Variants in ADK observed in about 807,000 individuals in gnomAD.
ADK encodes the protein adenosine kinase.
Under a neutral mutation model 44.7 loss-of-function variants are expected in ADK, and 24 were observed. The ratio of observed to expected loss-of-function variants is 0.54; its 90% CI spans 0.39 to 0.76. The LOEUF (loss-of-function observed/expected upper bound fraction) is 0.76. Ranked by LOEUF, ADK falls within the 30% of genes least tolerant of loss-of-function variation. ADK has a pLI of 0.00. For missense variants in ADK, 321 were observed against 425.1 expected (o/e 0.76, Z 2.15); for synonymous variants, 128 against 142.6 (o/e 0.90, Z 0.73).
chr10:74,388,715 C>G (rs1843235557), intron 4 of ADK, among the ~76,000 whole-genome samples: 1 of 151,918 alleles, frequency 6.6e-6, no homozygotes, highest in Admixed American at 6.6e-5. Flanking sequence ...AAGTCTGAGA[C>G]CTTGATTGAC....
intron 4 of ADK, among the ~76,000 whole-genome samples, chr10:74,355,950 C>G (rs1842121966): frequency 6.9e-6 from 1 of 145,176 alleles, no homozygotes; most frequent in Admixed American, 6.9e-5. Flanking sequence ...AAGGATACCT[C>G]TGTGTGTGTG....
intron 1 of ADK, among the ~76,000 whole-genome samples, chr10:74,156,285 C>CT (rs145121910): frequency 0.013 from 2,033 of 152,096 alleles, 43 homozygotes; most frequent in African/African-American, 0.046. Context: ...TGATGTGCTG[C>CT]TTTTTTTTAC....
intron 3 of ADK, among the ~76,000 whole-genome samples, chr10:74,313,871 T>G (rs1163534636): frequency 6.6e-6 from 1 of 151,998 alleles, no homozygotes; most frequent in African/African-American, 2.4e-5. Flanking sequence ...TTTGGTCTTT[T>G]TAAAAATTTC....
intron 9 of ADK, among the ~76,000 whole-genome samples, chr10:74,657,228 T>C (rs1854521408): frequency 1.3e-5 from 2 of 152,184 alleles, no homozygotes; most frequent in Non-Finnish European, 2.9e-5. Context: ...TCTAGATTCA[T>C]CAACTCATAA....
At chr10:74,214,434 G>T (rs1200126781) in intron 2 of ADK, among the ~76,000 whole-genome samples, 1 of 152,134 alleles carries the variant, frequency 6.6e-6, no homozygotes, top group African/African-American at 2.4e-5. Context: ...GGCAATATTT[G>T]TAGATTTATA....
At chr10:74,236,946 G>A (rs1441729025) in intron 3 of ADK, among the ~76,000 whole-genome samples, 2 of 152,166 alleles carry the variant, frequency 1.3e-5, no homozygotes, top group African/African-American at 4.8e-5. Context: ...CCTTTAGCAA[G>A]TTACAATCAT....
chr10:74,165,871 CT>C (rs1304436793), intron 1 of ADK, among the ~76,000 whole-genome samples: 2 of 152,144 alleles, frequency 1.3e-5, no homozygotes, highest in Admixed American at 6.5e-5. Flanking sequence ...TAATTATTCT[CT>C]TGTGGGATCT....
At chr10:74,397,239 A>T (rs1157203499) in intron 5 of ADK, among the ~76,000 whole-genome samples, 1 of 151,620 alleles carries the variant, frequency 6.6e-6, no homozygotes, top group Non-Finnish European at 1.5e-5. Context: ...ACATAAACAG[A>T]TGTATCCTTT....
chr10:74,226,554 T>G (rs1180442858), intron 3 of ADK, among the ~76,000 whole-genome samples: 2 of 152,236 alleles, frequency 1.3e-5, no homozygotes, highest in African/African-American at 2.4e-5. Context: ...GTTTTTTGGA[T>G]GCATTTCGAA....
chr10:74,243,166 A>G (rs570937625), intron 3 of ADK, among the ~76,000 whole-genome samples: 11 of 152,326 alleles, frequency 7.2e-5, no homozygotes, highest in African/African-American at 2.6e-4. Context: ...AGACCACTGT[A>G]ACACTTTCTC....
At chr10:74,446,817 A>C (rs1845603013) in intron 6 of ADK, among the ~76,000 whole-genome samples, 1 of 152,134 alleles carries the variant, frequency 6.6e-6, no homozygotes, top group Non-Finnish European at 1.5e-5. Context: ...GCAAACTGTT[A>C]ACATTGATTT....
At chr10:74,667,595 C>T (rs993574442) in intron 9 of ADK, among the ~76,000 whole-genome samples, 1 of 149,406 alleles carries the variant, frequency 6.7e-6, no homozygotes, top group Admixed American at 6.7e-5. Flanking sequence ...TGTAGTGGTG[C>T]GATCTTGGCT....
intron 4 of ADK, among the ~76,000 whole-genome samples, chr10:74,331,047 T>C (rs1261172985): frequency 6.6e-6 from 1 of 152,240 alleles, no homozygotes; most frequent in Non-Finnish European, 1.5e-5. Context: ...ACTTTTTTCT[T>C]TTTTGTTTTC....
At chr10:74,464,661 CT>C (rs1846287221) in intron 6 of ADK, among the ~76,000 whole-genome samples, 1 of 152,076 alleles carries the variant, frequency 6.6e-6, no homozygotes, top group East Asian at 1.9e-4. Context: ...ATCCCAAAAA[CT>C]TTTTAATTAT....
intron 4 of ADK, among the ~76,000 whole-genome samples, chr10:74,363,857 C>T (rs927314377): frequency 4.6e-5 from 7 of 152,060 alleles, no homozygotes; most frequent in African/African-American, 1.7e-4. Context: ...GTGCCTGTCT[C>T]ATTAGCTCAA....
At chr10:74,173,829 T>C (rs1842238925) in intron 1 of ADK, among the ~76,000 whole-genome samples, 1 of 152,196 alleles carries the variant, frequency 6.6e-6, no homozygotes, top group African/African-American at 2.4e-5. Flanking sequence ...GCCAAGTTCA[T>C]GTTAGCTTTG....
intron 10 of ADK, among the ~76,000 whole-genome samples, chr10:74,687,024 A>G (rs962993595): frequency 6.6e-6 from 1 of 152,224 alleles, no homozygotes; most frequent in African/African-American, 2.4e-5. Context: ...AAAAATGAAG[A>G]TAATGAGTAC....
At chr10:74,165,025 T>G (rs1337652330) in intron 1 of ADK, among the ~76,000 whole-genome samples, 1 of 152,154 alleles carries the variant, frequency 6.6e-6, no homozygotes, top group Non-Finnish European at 1.5e-5. Flanking sequence ...TGCTTGGGAA[T>G]GCTGGTGGGA....
chr10:74,251,706 A>G (rs377236618), intron 3 of ADK, among the ~76,000 whole-genome samples: 3 of 152,220 alleles, frequency 2.0e-5, no homozygotes, highest in African/African-American at 7.2e-5. Context: ...TTTAACCACT[A>G]TATTATTTGC....
Sources: allele counts gnomAD v4.1 joint callset (sites outside exome capture counted in the v4.1 genomes callset), GRCh38; gene constraint gnomAD v4.1.1; transcripts MANE v1.5; gene names NCBI Gene and HGNC (gene_info 2026-07-23, HGNC 2026-07-21).